LOC128125817: variants seen among roughly 807,000 people sequenced by gnomAD.
the LOC128125817 span, among the ~76,000 whole-genome samples, chr1:41,594,246 G>A: frequency 6.6e-6 from 1 of 152,066 alleles, no homozygotes; most frequent in Non-Finnish European, 1.5e-5. Flanking sequence ...TTTTTGAAAT[G>A]GAGTCTCGCT....
the LOC128125817 span, among the ~76,000 whole-genome samples, chr1:41,621,129 AC>A: frequency 6.6e-6 from 1 of 152,118 alleles, no homozygotes; most frequent in Non-Finnish European, 1.5e-5. Flanking sequence ...GAAAGGCATC[AC>A]CCGGCTTCCT....
At chr1:41,593,607 G>T in the LOC128125817 span, among the ~76,000 whole-genome samples, 2 of 152,236 alleles carry the variant, frequency 1.3e-5, no homozygotes, top group Non-Finnish European at 2.9e-5. Context: ...TCAAAAAGCA[G>T]AAATTTACAC....
the LOC128125817 span, among the ~76,000 whole-genome samples, chr1:41,617,762 C>T: frequency 1.3e-5 from 2 of 152,348 alleles, no homozygotes; most frequent in African/African-American, 4.8e-5. Context: ...GAGAAAGAGA[C>T]CCTTTGTGAG....
chr1:41,596,438 G>T, the LOC128125817 span, among the ~76,000 whole-genome samples: 1 of 152,148 alleles, frequency 6.6e-6, no homozygotes, highest in Non-Finnish European at 1.5e-5. Context: ...GTCAAACAGT[G>T]CTGTTCCCCC....
chr1:41,620,583 G>A, the LOC128125817 span, among the ~76,000 whole-genome samples: 1 of 152,028 alleles, frequency 6.6e-6, no homozygotes, highest in Admixed American at 6.6e-5. Flanking sequence ...CCTTGACTTG[G>A]TAGCAGCTTC....
At chr1:41,617,215 A>G in the LOC128125817 span, among the ~76,000 whole-genome samples, 1 of 143,340 alleles carries the variant, frequency 7.0e-6, no homozygotes, top group South Asian at 2.3e-4. Flanking sequence ...TTTGCCATAA[A>G]CATCCTTTAT....
the LOC128125817 span, among the ~76,000 whole-genome samples, chr1:41,620,466 G>A: frequency 2.1e-4 from 32 of 152,008 alleles, no homozygotes; most frequent in Non-Finnish European, 1.5e-5. Flanking sequence ...TCACCTGTCT[G>A]AGCACTTCTC....
the LOC128125817 span, among the ~76,000 whole-genome samples, chr1:41,615,344 C>T: frequency 6.6e-6 from 1 of 152,254 alleles, no homozygotes; most frequent in Non-Finnish European, 1.5e-5. Context: ...CCGTCCCTCA[C>T]CTTGGGATGC....
At chr1:41,613,243 C>T in the LOC128125817 span, among the ~76,000 whole-genome samples, 1 of 152,252 alleles carries the variant, frequency 6.6e-6, no homozygotes, top group Non-Finnish European at 1.5e-5. Flanking sequence ...AGAACAGGAA[C>T]ACACCCCTGC....
the LOC128125817 span, among the ~76,000 whole-genome samples, chr1:41,587,896 C>T: frequency 3.9e-5 from 6 of 152,278 alleles, no homozygotes; most frequent in East Asian, 3.9e-4. Context: ...ATGGAAGCAC[C>T]GGCATGGCCC....
the LOC128125817 span, among the ~76,000 whole-genome samples, chr1:41,622,601 T>G: frequency 1.3e-5 from 2 of 152,188 alleles, no homozygotes; most frequent in African/African-American, 4.8e-5. Context: ...CAAGAGAGAC[T>G]ATATGCCCGG....
the LOC128125817 span, among the ~76,000 whole-genome samples, chr1:41,586,319 T>C: frequency 1.3e-5 from 2 of 152,314 alleles, no homozygotes; most frequent in South Asian, 4.1e-4. Flanking sequence ...ATCCCAAGGC[T>C]GGAGTCACCA....
the LOC128125817 span, among the ~76,000 whole-genome samples, chr1:41,619,132 T>C: frequency 6.6e-6 from 1 of 152,048 alleles, no homozygotes; most frequent in Non-Finnish European, 1.5e-5. Context: ...CCTCTGCTCC[T>C]GTGCCCCCAC....
chr1:41,600,991 C>T, the LOC128125817 span, among the ~76,000 whole-genome samples: 1 of 152,104 alleles, frequency 6.6e-6, no homozygotes, highest in Non-Finnish European at 1.5e-5. Flanking sequence ...CCAGTTTTCC[C>T]AGCACCATTT....
At chr1:41,622,346 A>G in the LOC128125817 span, among the ~76,000 whole-genome samples, 1 of 152,210 alleles carries the variant, frequency 6.6e-6, no homozygotes, top group Admixed American at 6.5e-5. Flanking sequence ...AGGGAGCAGC[A>G]CACGCAAAGG....
At chr1:41,587,936 G>A in the LOC128125817 span, among the ~76,000 whole-genome samples, 5 of 152,194 alleles carry the variant, frequency 3.3e-5, no homozygotes, top group South Asian at 8.3e-4. Context: ...CACGGCAAGA[G>A]GGAGTAAGGA....
At chr1:41,608,029 G>A in the LOC128125817 span, among the ~76,000 whole-genome samples, 1 of 152,240 alleles carries the variant, frequency 6.6e-6, no homozygotes, top group Non-Finnish European at 1.5e-5. Context: ...GTGAGGCAGT[G>A]TAGTGTTTAG....
the LOC128125817 span, among the ~76,000 whole-genome samples, chr1:41,609,022 T>G: frequency 6.6e-6 from 1 of 151,524 alleles, no homozygotes; most frequent in African/African-American, 2.4e-5. Flanking sequence ...AGGTGGAGGT[T>G]GCAGTGAGCC....
the LOC128125817 span, among the ~76,000 whole-genome samples, chr1:41,607,298 T>C: frequency 6.6e-6 from 1 of 152,262 alleles, no homozygotes; most frequent in African/African-American, 2.4e-5. Flanking sequence ...CTCTGCTTTC[T>C]GGGAGGTTTT....
Sources: gnomAD v4.1 joint callset for allele counts (sites outside exome capture counted in the v4.1 genomes callset) on GRCh38, gnomAD v4.1.1 for gene constraint, MANE v1.5 for transcripts.